GPC6: variants seen among roughly 807,000 people sequenced by gnomAD.
The protein encoded by GPC6 is glypican-6.
Under a neutral mutation model 55.2 loss-of-function variants are expected in GPC6, and 14 were observed. The observed-to-expected ratio is 0.25, with a 90% CI of 0.17 to 0.40. The LOEUF (loss-of-function observed/expected upper bound fraction) is 0.40. GPC6 is among the 10% of genes least tolerant of loss of function. The probability of loss-of-function intolerance (pLI) is 1.00; values close to 1 mark genes in which losing one functional copy is unlikely to be tolerated. For missense variants in GPC6, 641 were observed against 708.5 expected (o/e 0.90, Z 1.08); for synonymous variants, 278 against 259.6 (o/e 1.07, Z -0.68).
intron 3 of GPC6, among the ~76,000 whole-genome samples, chr13:93,848,859 C>T (rs1420679300): frequency 2.0e-5 from 3 of 152,012 alleles, no homozygotes; most frequent in Non-Finnish European, 2.9e-5. Flanking sequence ...TTGTGCCTTC[C>T]TCTCCCCTTT....
At chr13:93,640,887 T>C (rs1051205414) in intron 2 of GPC6, among the ~76,000 whole-genome samples, 6 of 149,582 alleles carry the variant, frequency 4.0e-5, no homozygotes, top group African/African-American at 1.5e-4. Context: ...TCCCTCTTTA[T>C]CTTTTTTCTG....
At chr13:93,954,731 T>G (rs1195982008) in intron 3 of GPC6, among the ~76,000 whole-genome samples, 3 of 152,160 alleles carry the variant, frequency 2.0e-5, no homozygotes, top group Non-Finnish European at 4.4e-5. Flanking sequence ...CAGTCCCACT[T>G]GACAAAGATT....
intron 2 of GPC6, among the ~76,000 whole-genome samples, chr13:93,680,549 T>C (rs1881809543): frequency 6.6e-6 from 1 of 152,128 alleles, no homozygotes; most frequent in Admixed American, 6.6e-5. Context: ...CAGATGTGAC[T>C]GAAATGGGAG....
intron 4 of GPC6, among the ~76,000 whole-genome samples, chr13:94,258,652 A>G (rs186846370): frequency 6.6e-4 from 101 of 152,206 alleles, no homozygotes; most frequent in Non-Finnish European, 8.5e-4. Flanking sequence ...CTATGGCCTG[A>G]CTGCCTTTTT....
intron 1 of GPC6, among the ~76,000 whole-genome samples, chr13:93,542,124 C>T (rs1882334740): frequency 6.6e-6 from 1 of 152,196 alleles, no homozygotes; most frequent in Admixed American, 6.5e-5. Context: ...ATGCTAATGC[C>T]TAGGTTTTAT....
intron 1 of GPC6, among the ~76,000 whole-genome samples, chr13:93,269,285 A>G (rs1877429136): frequency 6.6e-6 from 1 of 152,194 alleles, no homozygotes; most frequent in Admixed American, 6.5e-5. Context: ...TAGTGAAAAC[A>G]CAATCAAACT....
At chr13:94,177,574 T>C (rs887730188) in intron 4 of GPC6, among the ~76,000 whole-genome samples, 13 of 151,508 alleles carry the variant, frequency 8.6e-5, no homozygotes, top group Non-Finnish European at 1.8e-4. Context: ...TTGTCACCAA[T>C]CAAATTAGCA....
At chr13:94,389,831 G>T (rs1218996307) in intron 7 of GPC6, among the ~76,000 whole-genome samples, 1 of 152,162 alleles carries the variant, frequency 6.6e-6, no homozygotes, top group Non-Finnish European at 1.5e-5. Flanking sequence ...GCTTTCTGAC[G>T]TTGCTCCTTG....
At chr13:93,671,931 T>G (rs554288662) in intron 2 of GPC6, among the ~76,000 whole-genome samples, 5 of 152,166 alleles carry the variant, frequency 3.3e-5, no homozygotes, top group Admixed American at 3.3e-4. Flanking sequence ...TACAATGACC[T>G]ATGGACATTG....
At chr13:93,748,593 A>G (rs1191391854) in intron 2 of GPC6, among the ~76,000 whole-genome samples, 2 of 152,098 alleles carry the variant, frequency 1.3e-5, no homozygotes, top group African/African-American at 2.4e-5. Flanking sequence ...GTTTCATCCT[A>G]TATCTTATTC....
rs368011430 is a variant in GPC6 at position 94,382,494 on chromosome 13, C to T, written c.1233C>T (p.Ser411=). ...ALPYTICKDE[S]VTAGTSNEEE... ...CCTACACTATCTGCAAGGACGAGAG[C>T]GTGACAGCGGGCACGTCCAACGAGG... The change falls in exon 7 of 9, where the codon AGC becomes AGT. Residue 411 remains serine, a synonymous_variant. Coordinates refer to ENST00000377047, the MANE Select transcript of GPC6 (RefSeq NM_005708.5). 16 of 1,614,034 alleles carry T rather than the reference C, an allele frequency of 9.9e-6. No individual in the cohort carries two copies. The highest frequency in any genetic ancestry group is 4.0e-5 in the African/African-American group (3 of 74,920).
chr13:94,092,523 C>T (rs567675331), intron 4 of GPC6, among the ~76,000 whole-genome samples: 18 of 152,164 alleles, frequency 1.2e-4, no homozygotes, highest in African/African-American at 2.7e-4. Flanking sequence ...TTTCTTTATC[C>T]GTTCATCTGT....
chr13:93,253,568 A>G (rs1876855408), intron 1 of GPC6, among the ~76,000 whole-genome samples: 2 of 152,174 alleles, frequency 1.3e-5, no homozygotes, highest in Non-Finnish European at 2.9e-5. Flanking sequence ...CTGGGAGCCT[A>G]AAGGAGGACA....
At chr13:93,301,976 G>C (rs990479742) in intron 1 of GPC6, among the ~76,000 whole-genome samples, 3 of 152,114 alleles carry the variant, frequency 2.0e-5, no homozygotes, top group African/African-American at 7.2e-5. Context: ...CCCCTACAAA[G>C]CTTCTTCTTA....
chr13:94,088,896 TG>T (rs1420250364), intron 4 of GPC6, among the ~76,000 whole-genome samples: 3 of 152,150 alleles, frequency 2.0e-5, no homozygotes, highest in African/African-American at 7.2e-5. Flanking sequence ...TTTAACTGCC[TG>T]GGGGTCACTG....
intron 3 of GPC6, among the ~76,000 whole-genome samples, chr13:94,018,647 T>TA (rs1486060903): frequency 6.6e-6 from 1 of 152,156 alleles, no homozygotes; most frequent in African/African-American, 2.4e-5. Flanking sequence ...GTTAAAGACT[T>TA]TTTAGTCAAC....
At chr13:93,315,270 T>A (rs536160090) in intron 1 of GPC6, among the ~76,000 whole-genome samples, 1 of 152,050 alleles carries the variant, frequency 6.6e-6, no homozygotes, top group Non-Finnish European at 1.5e-5. Flanking sequence ...TTTTTGAAGA[T>A]TGTATTTCTT....
At chr13:93,537,969 A>T (rs902437435) in intron 1 of GPC6, among the ~76,000 whole-genome samples, 1 of 152,194 alleles carries the variant, frequency 6.6e-6, no homozygotes, top group African/African-American at 2.4e-5. Context: ...TAATACAAAA[A>T]ATTTTCAAAA....
intron 3 of GPC6, among the ~76,000 whole-genome samples, chr13:93,863,495 A>C (rs542429574): frequency 6.6e-6 from 1 of 151,714 alleles, no homozygotes; most frequent in Non-Finnish European, 1.5e-5. Flanking sequence ...CAAAGGCCTT[A>C]TGTTTTTTCA....
Sources: allele counts gnomAD v4.1 joint callset (sites outside exome capture counted in the v4.1 genomes callset), GRCh38; gene constraint gnomAD v4.1.1; transcripts MANE v1.5; gene names NCBI Gene and HGNC (gene_info 2026-07-23, HGNC 2026-07-21).